Variants in RANBP17 observed in about 807,000 individuals in gnomAD.
The protein encoded by RANBP17 is RAN binding protein 17.
RANBP17 carries 158 observed loss-of-function variants against 141.2 expected under a neutral mutation model. That is an observed-to-expected ratio of 1.12 (90% CI 0.98 to 1.28). RANBP17 has a LOEUF of 1.28. Ranked by LOEUF, RANBP17 falls within the 50% of genes most tolerant of loss-of-function variation. RANBP17 has a pLI of 0.00. For synonymous variants in RANBP17, 430 were observed against 450.0 expected, an observed-to-expected ratio of 0.96 and a Z score of 0.56; for missense variants, 1,438 against 1,290.7, an observed-to-expected ratio of 1.11 and a Z score of -1.75.
At position 171,157,978 on chromosome 5, in the gene RANBP17, C is replaced by A. The variant is rs1036899484; in HGVS notation, c.1711-12152C>A. On this transcript the variant is annotated intron_variant, in intron 14 of 27. Transcript: ENST00000523189. ...TAGTGCTATGGTTGTATATTGATGT[C>A]AGGGTTAGTACTGAGTGGCTAGCAG... Among the ~76,000 whole-genome samples the A allele has an allele frequency of 4.6e-5, 7 of 152,146 alleles. No individual in the cohort carries two copies. The South Asian group carries it at 1.0e-3, about 23-fold the overall frequency.
chr5:170,872,471 T>G (rs1767827975), intron 1 of RANBP17, among the ~76,000 whole-genome samples: 1 of 152,206 alleles, frequency 6.6e-6, no homozygotes, highest in Non-Finnish European at 1.5e-5. Flanking sequence ...ATGATTTGAC[T>G]TCGTCTCTTC....
Position 171,012,028 on chromosome 5 carries a change from TAATA to T in RANBP17, c.1710+43652_1710+43655del, listed in dbSNP as rs142298487. ...TCAGTAATATATTTGTTTAAACAAA[TAATA>T]TATTTGTTTAAACAAATTATATTAT... On this transcript the variant is annotated intron_variant, in intron 14 of 27. Coordinates refer to ENST00000523189, the MANE Select transcript of RANBP17 (RefSeq NM_022897.5). Among the ~76,000 whole-genome samples the T allele has an allele frequency of 2.3e-4, 35 of 151,292 alleles. 1 individual carries two copies. The East Asian group carries it at 6.7e-3, about 29-fold the overall frequency.
At chr5:170,955,649 T>TGTATATAG (rs1491469717) in intron 13 of RANBP17, among the ~76,000 whole-genome samples, 1 of 7,262 alleles carries the variant, frequency 1.4e-4, no homozygotes, top group African/African-American at 5.9e-4. Flanking sequence ...ATGCTCAGTG[T>TGTATATAG]ATATATATAT....
intron 14 of RANBP17, among the ~76,000 whole-genome samples, chr5:171,092,384 T>A (rs1413984336): frequency 6.6e-6 from 1 of 152,232 alleles, no homozygotes; most frequent in Non-Finnish European, 1.5e-5. Context: ...ACAACAAAAA[T>A]GTTCCCAGTT....
In RANBP17 at chr5:170,899,577, G is replaced by C. The variant is rs150989411; in HGVS notation, c.489+3462G>C. On this transcript the variant is annotated intron_variant, in intron 5 of 27. Coordinates refer to ENST00000523189, the MANE Select transcript of RANBP17 (RefSeq NM_022897.5). Reference sequence around the variant, plus strand: ...TACATTGAATAGGAGTGGTAAGAGAGAGCATCCTTGTCTTGTGCCGGTTTT... The same window carrying C: ...TACATTGAATAGGAGTGGTAAGAGACAGCATCCTTGTCTTGTGCCGGTTTT... Among the ~76,000 whole-genome samples the C allele has an allele frequency of 3.8e-3, 573 of 152,316 alleles. 4 individuals are homozygous for C. Among genetic ancestry groups the C allele is most frequent in the African/African-American group, 0.012 (516 of 41,562 alleles).
At chr5:170,927,091 G>T (rs1320846753) in intron 12 of RANBP17, among the ~76,000 whole-genome samples, 4 of 151,970 alleles carry the variant, frequency 2.6e-5, no homozygotes, top group Non-Finnish European at 5.9e-5. Flanking sequence ...CCTTGTATGT[G>T]TCATTTTATG....
chr5:171,110,836 G>C (rs1755170045), intron 14 of RANBP17, among the ~76,000 whole-genome samples: 1 of 151,080 alleles, frequency 6.6e-6, no homozygotes, highest in African/African-American at 2.4e-5. Context: ...CCCCTCTCTG[G>C]TAATAAGAAT....
At chr5:171,026,821 A>G (rs1238411540) in intron 14 of RANBP17, among the ~76,000 whole-genome samples, 4 of 152,144 alleles carry the variant, frequency 2.6e-5, no homozygotes. Flanking sequence ...TATTTTCTGT[A>G]CTTTAGGACA....
At chr5:170,956,425 A>G (rs924480992) in intron 13 of RANBP17, among the ~76,000 whole-genome samples, 1 of 152,014 alleles carries the variant, frequency 6.6e-6, no homozygotes, top group African/African-American at 2.4e-5. Context: ...GTGAATCTTC[A>G]TGGACCATGA....
At chr5:171,206,142 GAAA>G (rs76562650) in intron 20 of RANBP17, 15 of 143,224 alleles carry the variant, frequency 1.0e-4, no homozygotes, top group South Asian at 4.0e-4. Context: ...GTACAGACAG[GAAA>G]AAAAAAAAAA....
intron 14 of RANBP17, among the ~76,000 whole-genome samples, chr5:171,025,816 A>G (rs564552904): frequency 5.5e-4 from 83 of 152,158 alleles, no homozygotes; most frequent in African/African-American, 1.9e-3. Context: ...TTGAACTCCT[A>G]GCCTCAAGTG....
chr5:171,168,494 A>G (rs1475905814), intron 14 of RANBP17, among the ~76,000 whole-genome samples: 1 of 152,158 alleles, frequency 6.6e-6, no homozygotes, highest in Non-Finnish European at 1.5e-5. Context: ...CAAGGGACCC[A>G]ATTTGTATAC....
intron 24 of RANBP17, chr5:171,252,074 TCCATAGCATAG>T: frequency 1.2e-6 from 2 of 1,601,018 alleles, no homozygotes; most frequent in Non-Finnish European, 1.7e-6. Flanking sequence ...GCAGATCTCT[TCCATAGCATAG>T]CCACTCAGAA....
chr5:170,928,787 A>T (rs1438101789), intron 12 of RANBP17, among the ~76,000 whole-genome samples: 10 of 150,466 alleles, frequency 6.6e-5, no homozygotes, highest in Non-Finnish European at 5.9e-5. Context: ...TTTTTTCAAA[A>T]CCGTTTGGCT....
At chr5:171,272,520 A>C (rs780365082) in intron 25 of RANBP17, among the ~76,000 whole-genome samples, 3 of 151,608 alleles carry the variant, frequency 2.0e-5, no homozygotes, top group Non-Finnish European at 2.9e-5. Flanking sequence ...CTGAGGCACA[A>C]AAAAAAATAG....
chr5:170,919,325 GT>G (rs1315320153), intron 10 of RANBP17, 115 bp from the exon 11 acceptor site: 1 of 753,234 alleles, frequency 1.3e-6, no homozygotes, highest in African/African-American at 1.8e-5. Flanking sequence ...GTGTTCATTA[GT>G]TTTATAGTAA....
intron 12 of RANBP17, among the ~76,000 whole-genome samples, chr5:170,932,260 A>G (rs1773455448): frequency 6.6e-6 from 1 of 152,196 alleles, no homozygotes; most frequent in Non-Finnish European, 1.5e-5. Flanking sequence ...CTGATTTTGT[A>G]TCCTGAGACT....
At chr5:171,273,154 ATC>A (rs548347553) in intron 25 of RANBP17, among the ~76,000 whole-genome samples, 98 of 152,314 alleles carry the variant, frequency 6.4e-4, no homozygotes, top group African/African-American at 2.3e-3. Flanking sequence ...TGTGCTTTGC[ATC>A]TCTCTCCCGT....
intron 14 of RANBP17, among the ~76,000 whole-genome samples, chr5:171,064,322 G>T (rs1002196529): frequency 5.3e-5 from 8 of 152,140 alleles, no homozygotes; most frequent in Non-Finnish European, 1.2e-4. Context: ...GTCCTAGAAT[G>T]TATTTTTAAG....
Sources: allele counts gnomAD v4.1 joint callset (sites outside exome capture counted in the v4.1 genomes callset), GRCh38; gene constraint gnomAD v4.1.1; transcripts MANE v1.5; gene names NCBI Gene and HGNC (gene_info 2026-07-23, HGNC 2026-07-21).